Variants in MLIP observed in about 807,000 individuals in gnomAD.
MLIP encodes the protein muscular LMNA interacting protein, also known as muscular LMNA-interacting protein.
In MLIP, 79 loss-of-function variants were observed where a neutral mutation model predicts 84.8. The ratio of observed to expected loss-of-function variants is 0.93; its 90% CI spans 0.78 to 1.12. The LOEUF (loss-of-function observed/expected upper bound fraction) is 1.12, where lower values mean the gene tolerates loss of function less well. MLIP is among the 50% of genes most tolerant of loss of function. The pLI is 0.00. For missense variants in MLIP, 1,257 were observed against 1,160.6 expected (o/e 1.08, Z -1.21); for synonymous variants, 504 against 463.0 (o/e 1.09, Z -1.14).
chr6:54,077,979 C>T (rs781542283), intron 1 of MLIP, among the ~76,000 whole-genome samples: 1 of 152,104 alleles, frequency 6.6e-6, no homozygotes. Context: ...TGCTATGGTT[C>T]AGGTTGTTCT....
At chr6:54,132,178 G>A (rs552844373) in intron 3 of MLIP, among the ~76,000 whole-genome samples, 23 of 152,284 alleles carry the variant, frequency 1.5e-4, no homozygotes, top group African/African-American at 2.9e-4. Flanking sequence ...AAAAGACTGC[G>A]TTTATGATGG....
At chr6:54,082,797 C>G (rs533680134) in intron 1 of MLIP, among the ~76,000 whole-genome samples, 56 of 151,738 alleles carry the variant, frequency 3.7e-4, no homozygotes, top group African/African-American at 1.3e-3. Context: ...GAATTTCCTC[C>G]TCATATAATT....
At chr6:54,238,679 T>C (rs1292200233) in intron 12 of MLIP, among the ~76,000 whole-genome samples, 1 of 152,180 alleles carries the variant, frequency 6.6e-6, no homozygotes, top group Non-Finnish European at 1.5e-5. Context: ...GGCTGAGATT[T>C]CCTAAGCAAG....
intron 11 of MLIP, among the ~76,000 whole-genome samples, chr6:54,207,696 G>A (rs1375649399): frequency 6.6e-6 from 1 of 152,168 alleles, no homozygotes; most frequent in Non-Finnish European, 1.5e-5. Flanking sequence ...TGTAGTGTCT[G>A]TTAATATCCC....
chr6:54,019,278 C>A (rs1183975742), intron 1 of MLIP, among the ~76,000 whole-genome samples: 1 of 152,052 alleles, frequency 6.6e-6, no homozygotes, highest in Non-Finnish European at 1.5e-5. Context: ...ATATAAAATG[C>A]CATTACACAA....
intron 1 of MLIP, among the ~76,000 whole-genome samples, chr6:54,054,980 T>C (rs907445381): frequency 4.0e-5 from 6 of 151,856 alleles, no homozygotes; most frequent in Non-Finnish European, 5.9e-5. Flanking sequence ...CTCCGCCTCC[T>C]GGGTTCACGC....
At chr6:54,049,602 T>C (rs1206620087) in intron 1 of MLIP, among the ~76,000 whole-genome samples, 1 of 152,190 alleles carries the variant, frequency 6.6e-6, no homozygotes. Flanking sequence ...ATAATTAAGA[T>C]ACAGCTTTAT....
intron 11 of MLIP, among the ~76,000 whole-genome samples, chr6:54,226,328 G>C (rs1480467587): frequency 1.3e-5 from 2 of 152,148 alleles, no homozygotes. Flanking sequence ...GACCCGCACT[G>C]TCTCTTCTAT....
At chr6:54,165,651 G>T (rs1378154346) in intron 8 of MLIP, among the ~76,000 whole-genome samples, 4 of 151,948 alleles carry the variant, frequency 2.6e-5, no homozygotes, top group African/African-American at 4.8e-5. Flanking sequence ...GGTCAAGAAA[G>T]AACTTTTTGT....
chr6:54,230,917 G>A lies in MLIP; in HGVS notation c.2922G>A (p.Lys974=). The A allele has an allele frequency of 6.2e-7, 1 of 1,613,638 alleles. No individual in the cohort carries two copies. Among genetic ancestry groups the A allele is most frequent in the Non-Finnish European group, 8.5e-7 (1 of 1,179,820 alleles). The part of the protein sequence containing the change: ...HTLLSHNACN[K]LSHPMVAIPE... ...TCCTCAGTCACAACGCATGCAACAA[G>A]GTGAGAACTCCTCCCCAAAATGAGG... Residue 974 remains lysine (K), a splice_region_variant and synonymous_variant, in exon 12 of 14, where the codon AAG becomes AAA. Coordinates refer to ENST00000502396, the MANE Select transcript of MLIP (RefSeq NM_001281747.2).
chr6:54,138,246 C>T lies in MLIP; in HGVS notation c.2177C>T (p.Ala726Val). The T allele has an allele frequency of 6.5e-7, 1 of 1,536,028 alleles. No homozygotes were observed. Among genetic ancestry groups the T allele is most frequent in the Non-Finnish European group, 8.7e-7 (1 of 1,146,830 alleles). ...ACAGAGGAGCTGATTTCACCTTGTG[C>T]ATTGTCCATGTCAACAGGCCCAGAA... The part of the protein sequence containing the change: ...TRTEELISPC[A>V]LSMSTGPENK... Residue 726 changes from alanine (A) to valine (V), a missense_variant, in exon 4 of 14, where the codon GCA (alanine) becomes GTA (valine). Transcript: ENST00000502396.
intron 1 of MLIP, among the ~76,000 whole-genome samples, chr6:54,072,051 T>C (rs1766516934): frequency 6.6e-6 from 1 of 152,118 alleles, no homozygotes; most frequent in Admixed American, 6.5e-5. Context: ...ACCAGAGCAA[T>C]AGGCTTTAGT....
intron 2 of MLIP, among the ~76,000 whole-genome samples, chr6:54,123,770 C>T (rs1270478791): frequency 6.6e-6 from 1 of 152,170 alleles, no homozygotes; most frequent in Non-Finnish European, 1.5e-5. Flanking sequence ...TCTCAGTATA[C>T]ATGGCTGTCA....
In MLIP at chr6:54,124,638, T is replaced by C; in HGVS notation, c.418T>C (p.Tyr140His). 1 of 1,614,174 alleles carries C rather than the reference T, an allele frequency of 6.2e-7. No individual in the cohort carries two copies. Among genetic ancestry groups the C allele is most frequent in the Non-Finnish European group, 8.5e-7 (1 of 1,180,024 alleles). ...GCAAAGTGACCTCTTCAAAGCTGAA[T>C]ATGTCCTTATTGTGGACTCCGAAGG... ...MQQSDLFKAE[Y>H]VLIVDSEGED... Residue 140 changes from tyrosine (Y) to histidine (H), a missense_variant, in exon 3 of 14, where the codon TAT becomes CAT. Coordinates refer to ENST00000502396, the MANE Select transcript of MLIP (RefSeq NM_001281747.2).
intron 1 of MLIP, among the ~76,000 whole-genome samples, chr6:54,026,563 A>C (rs1327705324): frequency 6.6e-6 from 1 of 152,244 alleles, no homozygotes; most frequent in Non-Finnish European, 1.5e-5. Context: ...GTGGACCATG[A>C]GGATCATTGG....
intron 1 of MLIP, among the ~76,000 whole-genome samples, chr6:54,103,584 C>A (rs1443849711): frequency 6.6e-6 from 1 of 152,162 alleles, no homozygotes; most frequent in African/African-American, 2.4e-5. Context: ...AATTTGTTGG[C>A]TCTACTCCTG....
At chr6:54,243,461 A>T (rs1444977079) in intron 12 of MLIP, among the ~76,000 whole-genome samples, 1 of 152,206 alleles carries the variant, frequency 6.6e-6, no homozygotes, top group Admixed American at 6.5e-5. Flanking sequence ...ACTGGGGGGA[A>T]AAAGCAGGGA....
intron 3 of MLIP, among the ~76,000 whole-genome samples, chr6:54,125,388 T>C (rs1001555795): frequency 3.3e-5 from 5 of 152,178 alleles, no homozygotes; most frequent in Admixed American, 1.3e-4. Flanking sequence ...AAAACATCTT[T>C]TGTGGTCCTG....
rs955248644 is a variant in MLIP at position 54,044,626 on chromosome 6, C to T, written c.63+25535C>T. Among the ~76,000 whole-genome samples, 4 of 150,240 alleles carry T rather than the reference C, an allele frequency of 2.7e-5. 1 individual carries two copies. The highest frequency in any genetic ancestry group is 9.9e-5 in the African/African-American group (4 of 40,446). ...ATATTTGAAAGCAATCTATTCCAGCCGTGGTAGACGTTTTTTTTTTTTTCT... is the reference window on the plus strand; with the variant it reads ...ATATTTGAAAGCAATCTATTCCAGCTGTGGTAGACGTTTTTTTTTTTTTCT... On this transcript the variant is annotated intron_variant, in intron 1 of 12. Coordinates refer to the MLIP transcript ENST00000274897.
Sources: allele counts gnomAD v4.1 joint callset (sites outside exome capture counted in the v4.1 genomes callset), GRCh38; gene constraint gnomAD v4.1.1; transcripts MANE v1.5; gene names NCBI Gene and HGNC (gene_info 2026-07-23, HGNC 2026-07-21).